Variants in CHKA observed in about 807,000 individuals in gnomAD.
CHKA encodes choline kinase alpha, also known as CHETK-alpha.
CHKA carries 34 observed loss-of-function variants against 60.1 expected under a neutral mutation model. That is an observed-to-expected ratio of 0.57 (90% confidence interval 0.43 to 0.75). CHKA has a LOEUF of 0.75. Among genes scored for constraint, CHKA ranks in the 30% least tolerant of loss-of-function variants. The probability of loss-of-function intolerance (pLI) is 0.00; values close to 1 mark genes in which losing one functional copy is unlikely to be tolerated. For missense variants in CHKA, 563 were observed against 561.3 expected, an observed-to-expected ratio of 1.00 and a Z score of -0.03; for synonymous variants, 217 against 223.1, an observed-to-expected ratio of 0.97 and a Z score of 0.24.
At position 68,121,220 on chromosome 11, in the gene CHKA, G is replaced by A. The variant is rs546942861; in HGVS notation, c.-43C>T. ...GGAGGCGCGGGCGGCCGCAGCGCGA[G>A]AGGACTAGGCTCAGAGTCCGGCCGG... is the stretch of plus-strand genomic sequence containing the variant. On this transcript the variant is annotated 5_prime_UTR_variant, in exon 1 of 12. Coordinates refer to ENST00000265689, the MANE Select transcript of CHKA (RefSeq NM_001277.3). 1.3e-3 allele frequency: 1,498 copies of A among 1,137,444 alleles called. 15 individuals are homozygous for A. The African/African-American group carries it at 0.023, about 18-fold the overall frequency. The allele number at this position is 1,137,444 out of a possible 1,614,324, so 70.5% of individuals were successfully genotyped here.
At chr11:68,097,367 G>A in intron 1 of CHKA, among the ~76,000 whole-genome samples, 1 of 152,192 alleles carries the variant, frequency 6.6e-6, no homozygotes, top group East Asian at 1.9e-4. Flanking sequence ...GGGCACGGTG[G>A]CTCACGCCTG....
intron 1 of CHKA, among the ~76,000 whole-genome samples, chr11:68,107,111 G>A (rs1233539132): frequency 6.6e-6 from 1 of 152,054 alleles, no homozygotes; most frequent in Non-Finnish European, 1.5e-5. Flanking sequence ...AATTAGCCGG[G>A]CGCAGTGGCA....
chr11:68,068,228 G>C (rs184269610), intron 7 of CHKA, among the ~76,000 whole-genome samples: 1 of 152,126 alleles, frequency 6.6e-6, no homozygotes, highest in East Asian at 1.9e-4. Context: ...GGTGCAGAAG[G>C]GGGAAGGGCC....
At chr11:68,116,701 A>G (rs953828537) in intron 1 of CHKA, among the ~76,000 whole-genome samples, 35 of 151,966 alleles carry the variant, frequency 2.3e-4, no homozygotes, top group Non-Finnish European at 2.6e-4. Context: ...TGGGCAACAG[A>G]GCAAGACTGT....
chr11:68,086,901 G>C (rs1235475756), intron 2 of CHKA, among the ~76,000 whole-genome samples: 1 of 152,180 alleles, frequency 6.6e-6, no homozygotes, highest in African/African-American at 2.4e-5. Context: ...CAGGAGAATG[G>C]CGTGAACCCG....
intron 1 of CHKA, among the ~76,000 whole-genome samples, chr11:68,113,338 A>G (rs1858251251): frequency 6.6e-6 from 1 of 152,150 alleles, no homozygotes; most frequent in Admixed American, 6.6e-5. Context: ...CAAAGAAGAT[A>G]TACAGATAGC....
intron 1 of CHKA, among the ~76,000 whole-genome samples, chr11:68,116,393 A>T (rs1349832857): frequency 6.6e-6 from 1 of 151,892 alleles, no homozygotes; most frequent in Non-Finnish European, 1.5e-5. Flanking sequence ...ACCATGGTAA[A>T]ACCCCGTGGC....
At chr11:68,075,728 G>A (rs1462678346) in intron 3 of CHKA, among the ~76,000 whole-genome samples, 4 of 152,100 alleles carry the variant, frequency 2.6e-5, no homozygotes, top group Non-Finnish European at 5.9e-5. Flanking sequence ...TTGAGGCCAG[G>A]AGTTAGAGAC....
chr11:68,105,753 A>T (rs1158858870), intron 1 of CHKA, among the ~76,000 whole-genome samples: 1 of 152,144 alleles, frequency 6.6e-6, no homozygotes, highest in East Asian at 1.9e-4. Context: ...AAATTAAGAT[A>T]AGAAGTTACC....
intron 1 of CHKA, among the ~76,000 whole-genome samples, chr11:68,120,263 C>T (rs1858569852): frequency 6.6e-6 from 1 of 151,722 alleles, no homozygotes; most frequent in Non-Finnish European, 1.5e-5. Context: ...ACATTTCTAC[C>T]TTACTCTTAT....
intron 5 of CHKA, 120 bp downstream of exon 5, chr11:68,070,604 C>T: frequency 2.8e-6 from 3 of 1,056,642 alleles, no homozygotes; most frequent in Non-Finnish European, 4.2e-6. Context: ...CAGCTGACAC[C>T]CTGCACTTCA....
intron 1 of CHKA, among the ~76,000 whole-genome samples, chr11:68,109,527 G>T (rs1021621625): frequency 6.6e-6 from 1 of 152,162 alleles, no homozygotes. Flanking sequence ...CACAATTCCA[G>T]CCCCCTCTGG....
chr11:68,120,716 CGG>C, intron 1 of CHKA, 110 bp downstream of exon 1: 1 of 205,922 alleles, frequency 4.9e-6, no homozygotes. Flanking sequence ...GCCCCGGCCC[CGG>C]CTCCCCCGGC....
chr11:68,088,328 T>C (rs1857251984), intron 2 of CHKA, among the ~76,000 whole-genome samples: 1 of 152,168 alleles, frequency 6.6e-6, no homozygotes, highest in East Asian at 1.9e-4. Context: ...ATTCAGTAGC[T>C]GTGATGCCCA....
intron 4 of CHKA, among the ~76,000 whole-genome samples, chr11:68,072,270 C>T (rs538181964): frequency 2.6e-5 from 4 of 152,024 alleles, no homozygotes; most frequent in Admixed American, 1.3e-4. Context: ...CTAAGCCAGG[C>T]GTGGTGGCTC....
In CHKA at chr11:68,120,947, C is replaced by G; in HGVS notation, c.231G>C (p.Pro77=). The G allele has an allele frequency of 3.4e-6, 4 of 1,172,172 alleles. No individual in the cohort carries two copies. Among genetic ancestry groups the G allele is most frequent in the Non-Finnish European group, 4.2e-6 (4 of 944,666 alleles). 72.6% of individuals were successfully genotyped at this position (1,172,172 alleles called of 1,614,324 possible). Residue 77 remains proline, a synonymous_variant, in exon 1 of 12, where the codon CCG becomes CCC. Transcript: ENST00000265689. The part of the protein sequence containing the change: ...LPLPQPPPPQ[P]PADEQPEPRT... ...GGGGCTCCGGCTGCTCGTCTGCGGGCGGCTGCGGCGGCGGGGGCTGGGGCA... is the reference window on the plus strand; with the variant it reads ...GGGGCTCCGGCTGCTCGTCTGCGGGGGGCTGCGGCGGCGGGGGCTGGGGCA...
chr11:68,059,014 A>G (rs1189191488), intron 11 of CHKA, among the ~76,000 whole-genome samples: 1 of 152,110 alleles, frequency 6.6e-6, no homozygotes. Flanking sequence ...CTCCTGCCTC[A>G]GTTTCCTGAG....
chr11:68,054,040 G>T lies in CHKA; in HGVS notation c.1322C>A (p.Ala441Asp), dbSNP rs1174986137. 1 of 1,612,706 alleles carries T rather than the reference G, an allele frequency of 6.2e-7. No individual in the cohort carries two copies. The highest frequency in any genetic ancestry group is 1.3e-5 in the African/African-American group (1 of 75,002). Residue 441 changes from alanine (A) to aspartate (D), a missense_variant, in exon 12 of 12, where the codon GCC becomes GAC. Physicochemically the swap from Ala to Asp is moderately radical, Grantham distance 126 (BLOSUM62 -2). Transcript: ENST00000265689. ...SSIEFGYMDY[A>D]QARFDAYFHQ... ...GAAATAGGCATCAAACCTTGCTTGG[G>T]CGTAGTCCTAGGAGACAGCAAAGAG...
intron 3 of CHKA, among the ~76,000 whole-genome samples, chr11:68,075,479 T>TA (rs1460077000): frequency 6.6e-6 from 1 of 152,126 alleles, no homozygotes; most frequent in African/African-American, 2.4e-5. Flanking sequence ...TCCTAATAAT[T>TA]AACGTGGGAT....
Sources: gnomAD v4.1 joint callset for allele counts (sites outside exome capture counted in the v4.1 genomes callset) on GRCh38, gnomAD v4.1.1 for gene constraint, MANE v1.5 for transcripts, NCBI Gene and HGNC (gene_info 2026-07-23, HGNC 2026-07-21) for gene names.